LRP2: variants seen among roughly 807,000 people sequenced by gnomAD.
LRP2 encodes the protein LDL receptor related protein 2, also known as low-density lipoprotein receptor-related protein 2.
In LRP2, 172 loss-of-function variants were observed where a neutral mutation model predicts 531.0. That is an observed-to-expected ratio of 0.32 (90% CI 0.29 to 0.37). LRP2 has a LOEUF of 0.37. LRP2 is among the 10% of genes least tolerant of loss of function. The pLI, the probability that LRP2 is intolerant of heterozygous loss-of-function variation, is 1.00. For missense variants in LRP2, 5,167 were observed against 5,868.3 expected (o/e 0.88, Z 3.90); for synonymous variants, 1,992 against 2,027.6 (o/e 0.98, Z 0.47).
intron 1 of LRP2, among the ~76,000 whole-genome samples, chr2:169,333,464 GAAGGAGGGAAGGAAGAA>G: frequency 7.5e-6 from 1 of 133,078 alleles, no homozygotes. Context: ...TACAAGGAAG[GAAGGAGGGAAGGAAGAA>G]AAGGAAGGAA....
At chr2:169,167,134 T>C (rs1293275985) in intron 61 of LRP2, among the ~76,000 whole-genome samples, 2 of 152,206 alleles carry the variant, frequency 1.3e-5, no homozygotes, top group Non-Finnish European at 2.9e-5. Context: ...CATTTTACCT[T>C]ATGGAGAGAA....
At chr2:169,241,671 C>A (rs140540409) in intron 24 of LRP2, among the ~76,000 whole-genome samples, 114 of 152,226 alleles carry the variant, frequency 7.5e-4, no homozygotes, top group Non-Finnish European at 1.4e-3. Flanking sequence ...TAATGTACTT[C>A]CAATTGCAGA....
chr2:169,187,506 T>C (rs1687674399), intron 49 of LRP2, among the ~76,000 whole-genome samples: 1 of 152,182 alleles, frequency 6.6e-6, no homozygotes, highest in Non-Finnish European at 1.5e-5. Context: ...AAGCAAACAA[T>C]GCCCATGCTG....
intron 67 of LRP2, 64 bp from the exon 68 acceptor site, chr2:169,151,090 G>T: frequency 6.4e-7 from 1 of 1,563,062 alleles, no homozygotes; most frequent in Non-Finnish European, 8.8e-7. Context: ...TGGGTAAGAG[G>T]TTTGAAGATG....
intron 2 of LRP2, among the ~76,000 whole-genome samples, chr2:169,319,817 G>A (rs1684863458): frequency 6.6e-6 from 1 of 152,140 alleles, no homozygotes; most frequent in Admixed American, 6.5e-5. Flanking sequence ...GAGCTCCTGG[G>A]TGATCCATTT....
At chr2:169,304,212 A>G (rs1368041512) in intron 4 of LRP2, among the ~76,000 whole-genome samples, 3 of 152,212 alleles carry the variant, frequency 2.0e-5, no homozygotes, top group Admixed American at 2.0e-4. Context: ...ATAAAGACAC[A>G]GACTTTTGGC....
In LRP2 at chr2:169,198,876, G is replaced by T; in HGVS notation, c.8488C>A (p.His2830Asn). The change falls in exon 45 of 79, where the codon CAT becomes AAT. Residue 2830 changes from histidine (H) to asparagine (N), a missense_variant. Physicochemically the swap from His to Asn is moderately conservative, Grantham distance 68. Transcript: ENST00000649046. ...CGAGGAATACAAATATTTGAATTAT[G>T]ACATTTTGTGTATCCAGACTGGCAA... Reference protein sequence around the residue: ...RTCQSGYTKCHNSNICIPRVY... With the variant: ...RTCQSGYTKCNNSNICIPRVY... 6.2e-7 allele frequency: 1 copy of T among 1,613,788 alleles called. No homozygotes were observed. Among genetic ancestry groups the T allele is most frequent in the South Asian group, 1.1e-5 (1 of 91,036 alleles).
chr2:169,229,746 A>G (rs1435611965), intron 31 of LRP2, among the ~76,000 whole-genome samples: 1 of 152,148 alleles, frequency 6.6e-6, no homozygotes, highest in Non-Finnish European at 1.5e-5. Context: ...GCTTCCAGAA[A>G]CTTGTGTGTT....
At chr2:169,181,422 T>A (rs1687426297) in intron 52 of LRP2, 26 bp downstream of exon 52, 1 of 1,607,854 alleles carries the variant, frequency 6.2e-7, no homozygotes, top group Admixed American at 1.7e-5. Context: ...GTTACACAAT[T>A]GTTTTATGCT....
In LRP2 at chr2:169,156,317, G is replaced by A; in HGVS notation, c.12108C>T (p.Phe4036=). Residue 4036 remains phenylalanine, a synonymous_variant, in exon 65 of 79, where the codon TTC becomes TTT. Coordinates refer to ENST00000649046, the MANE Select transcript of LRP2 (RefSeq NM_004525.3). The part of the protein sequence containing the change: ...GSYECVCADG[F]TSMSDRPGKR... Reference sequence around the variant, plus strand: ...TTCCAGGGCGGTCACTCATAGACGTGAAGCCATCAGCACAGACACACTCAT... The same window carrying A: ...TTCCAGGGCGGTCACTCATAGACGTAAAGCCATCAGCACAGACACACTCAT... 1 of 1,613,720 alleles carries A rather than the reference G, an allele frequency of 6.2e-7. No individual in the cohort carries two copies. Among genetic ancestry groups the A allele is most frequent in the Non-Finnish European group, 8.5e-7 (1 of 1,179,732 alleles).
rs764858582 is a variant in LRP2 at position 169,182,333 on chromosome 2, C to T, written c.9846-14G>A. ...CAGTAGAGCTTTCTAAAATGGAGAG[C>T]CAGGAGTTAACCAATACAGTCACTT... On this transcript the variant is annotated splice_polypyrimidine_tract_variant and intron_variant, in intron 50 of 78. Transcript: ENST00000649046. 9.3e-6 allele frequency: 15 copies of T among 1,612,666 alleles called. No homozygotes were observed. The highest frequency in any genetic ancestry group is 1.3e-5 in the Non-Finnish European group (15 of 1,179,826).
rs1172479416 is a variant in LRP2, at chr2:169,247,457, A to G, written c.2829T>C (p.Asp943=). Residue 943 remains aspartate, a synonymous_variant, in exon 20 of 79, where the codon GAT becomes GAC. Transcript: ENST00000649046. ...LGAIIRVRKA[D]GGEMTVIRSG... ...TTCGGATAACTGTCATTTCTCCACC[A>G]TCTGCTTTCCTGACTCGAATAATGG... is the stretch of plus-strand genomic sequence containing the variant. The G allele has an allele frequency of 1.2e-6, 2 of 1,614,042 alleles. No homozygotes were observed. The highest frequency in any genetic ancestry group is 8.5e-7 in the Non-Finnish European group (1 of 1,180,022).
chr2:169,237,794 C>T (rs1388274230), intron 27 of LRP2, among the ~76,000 whole-genome samples: 2 of 152,132 alleles, frequency 1.3e-5, no homozygotes, highest in Non-Finnish European at 2.9e-5. Flanking sequence ...CTGCACTTTC[C>T]TCTGCTCTCA....
chr2:169,135,039 C>T (rs1023584621), intron 76 of LRP2, among the ~76,000 whole-genome samples: 1 of 152,184 alleles, frequency 6.6e-6, no homozygotes, highest in Non-Finnish European at 1.5e-5. Context: ...CCACACAAGG[C>T]AAATGGTTCT....
intron 24 of LRP2, among the ~76,000 whole-genome samples, chr2:169,242,751 C>A (rs1157136553): frequency 2.6e-5 from 4 of 152,118 alleles, no homozygotes; most frequent in Admixed American, 2.0e-4. Context: ...TTGAAGTGTC[C>A]ATTTATACAA....
intron 70 of LRP2, 30 bp downstream of exon 70, chr2:169,145,714 TGAG>T: frequency 6.2e-7 from 1 of 1,601,886 alleles, no homozygotes; most frequent in Non-Finnish European, 8.6e-7. Context: ...TTCCAAGTAA[TGAG>T]GAGCATCTTA....
In LRP2 at chr2:169,128,539, T is replaced by C; in HGVS notation, c.*124A>G. 2.1e-6 allele frequency: 2 copies of C among 951,096 alleles called. No homozygotes were observed. 58.9% of individuals were successfully genotyped at this position (951,096 alleles called of 1,614,324 possible). ...AAAAGACACACAGGATACCTCCAACTATAGGCAAACAGGGAAAAATATATT... is the reference window on the plus strand; with the variant it reads ...AAAAGACACACAGGATACCTCCAACCATAGGCAAACAGGGAAAAATATATT... On this transcript the variant is annotated 3_prime_UTR_variant, in exon 79 of 79. Transcript: ENST00000649046.
Position 169,206,691 on chromosome 2 carries a change from G to A in LRP2, c.7029C>T (p.Asn2343=), listed in dbSNP as rs751500159. 6.2e-7 allele frequency: 1 copy of A among 1,614,160 alleles called. No homozygotes were observed. Among genetic ancestry groups the A allele is most frequent in the South Asian group, 1.1e-5 (1 of 91,082 alleles). Residue 2343 remains asparagine (N), a synonymous_variant, in exon 39 of 79, where the codon AAC becomes AAT. Transcript: ENST00000649046. ...VQPRSPAEVN[N]NPCLENNGGC... ...CACCATTGTTTTCCAAGCAAGGGTT[G>A]TTGTTGACCTCTGCTGGTGACCGGG...
Position 169,235,854 on chromosome 2 carries a change from T to G in LRP2, c.4906A>C (p.Ile1636Leu). 5 of 1,614,058 alleles carry G rather than the reference T, an allele frequency of 3.1e-6. No individual in the cohort carries two copies. Among genetic ancestry groups the G allele is most frequent in the Non-Finnish European group, 4.2e-6 (5 of 1,179,888 alleles). The part of the protein sequence containing the change: ...DYNGHHRRQV[I>L]ASDLIIRHPY... ...CACCAACTTACCAAATCACTGGCTA[T>G]CACCTGTCTCCGATGGTGTCCATTA... Residue 1636 changes from isoleucine (I) to leucine (L), a missense_variant, in exon 29 of 79, where the codon ATA becomes CTA. By Grantham distance (5) the Ile-to-Leu change is conservative. Coordinates refer to ENST00000649046, the MANE Select transcript of LRP2 (RefSeq NM_004525.3).
Sources: gnomAD v4.1 joint callset for allele counts (sites outside exome capture counted in the v4.1 genomes callset) on GRCh38, gnomAD v4.1.1 for gene constraint, MANE v1.5 for transcripts, NCBI Gene and HGNC (gene_info 2026-07-23, HGNC 2026-07-21) for gene names.